TASP1: variants seen among roughly 807,000 people sequenced by gnomAD.
TASP1 encodes threonine aspartase 1.
TASP1 carries 16 observed loss-of-function variants against 56.6 expected under a neutral mutation model. The observed-to-expected ratio is 0.28, with a 90% CI of 0.19 to 0.43. TASP1 has a LOEUF of 0.43. TASP1 is among the 20% of genes least tolerant of loss of function. The pLI is 1.00. For missense variants in TASP1, 393 were observed against 511.6 expected, an observed-to-expected ratio of 0.77 and a Z score of 2.24; for synonymous variants, 179 against 184.2, an observed-to-expected ratio of 0.97 and a Z score of 0.23.
chr20:13,477,095 G>T (rs75792212), intron 11 of TASP1, among the ~76,000 whole-genome samples: 8,957 of 151,862 alleles, frequency 0.059, 373 homozygotes, highest in African/African-American at 0.12. Context: ...GTAATTACAG[G>T]GTACTTTTGT....
At chr20:13,597,267 G>A (rs758493856) in intron 4 of TASP1, among the ~76,000 whole-genome samples, 1 of 152,096 alleles carries the variant, frequency 6.6e-6, no homozygotes, top group Admixed American at 6.6e-5. Flanking sequence ...GTTGAACATC[G>A]ATGCAAAAAT....
chr20:13,174,156 C>T, the TASP1 span, among the ~76,000 whole-genome samples: 181 of 152,232 alleles, frequency 1.2e-3, no homozygotes, highest in African/African-American at 4.1e-3. Context: ...ATGGTAGGTT[C>T]TCACCTTGTA....
At chr20:13,257,276 A>G in the TASP1 span, among the ~76,000 whole-genome samples, 1 of 152,286 alleles carries the variant, frequency 6.6e-6, no homozygotes, top group East Asian at 1.9e-4. Flanking sequence ...GCATTTTGGG[A>G]GACCAAAGTG....
At chr20:13,149,046 C>T in the TASP1 span, among the ~76,000 whole-genome samples, 1 of 152,206 alleles carries the variant, frequency 6.6e-6, no homozygotes, top group Admixed American at 6.5e-5. Flanking sequence ...GATTCCCATT[C>T]CACTTAACTC....
chr20:13,373,509 C>T, the TASP1 span, among the ~76,000 whole-genome samples: 3 of 149,568 alleles, frequency 2.0e-5, no homozygotes, highest in East Asian at 5.9e-4. Flanking sequence ...TTTTGAAAGA[C>T]AGTCTTTTAA....
the TASP1 span, chr20:13,298,866 G>A: frequency 1.2e-3 from 1,792 of 1,478,672 alleles, 20 homozygotes; most frequent in African/African-American, 0.021. Flanking sequence ...GCAGCCTGGT[G>A]TCACATGCTC....
At chr20:13,318,347 G>A in the TASP1 span, among the ~76,000 whole-genome samples, 13 of 152,148 alleles carry the variant, frequency 8.5e-5, no homozygotes, top group Non-Finnish European at 1.9e-4. Context: ...AGGATGTGGA[G>A]CAACAGGAAT....
chr20:13,478,607 C>T (rs865997579), intron 11 of TASP1, among the ~76,000 whole-genome samples: 10 of 152,166 alleles, frequency 6.6e-5, no homozygotes, highest in Middle Eastern at 3.4e-3. Context: ...TGAGAAATTA[C>T]GTAATGGGTA....
chr20:13,117,649 C>T, the TASP1 span: 3 of 1,613,966 alleles, frequency 1.9e-6, no homozygotes, highest in East Asian at 4.5e-5. Context: ...GGACTAGACC[C>T]TCATGAAGTT....
the TASP1 span, among the ~76,000 whole-genome samples, chr20:13,157,351 C>T: frequency 9.9e-4 from 150 of 151,906 alleles, no homozygotes; most frequent in Middle Eastern, 3.4e-3. Context: ...GCAGGATAAT[C>T]GCTGGAACCC....
the TASP1 span, among the ~76,000 whole-genome samples, chr20:13,295,494 C>A: frequency 6.6e-6 from 1 of 152,200 alleles, no homozygotes; most frequent in Non-Finnish European, 1.5e-5. Context: ...CCTTAGTTTG[C>A]ACAATGAATG....
intron 1 of TASP1, among the ~76,000 whole-genome samples, chr20:13,635,859 T>C (rs967660096): frequency 6.6e-6 from 1 of 152,242 alleles, no homozygotes; most frequent in Non-Finnish European, 1.5e-5. Context: ...GGGACTTTCA[T>C]GGCACTAATT....
the TASP1 span, among the ~76,000 whole-genome samples, chr20:13,186,988 A>G: frequency 6.6e-6 from 1 of 152,216 alleles, no homozygotes; most frequent in South Asian, 2.1e-4. Flanking sequence ...TGTAAAAAGT[A>G]ACATGCAAGA....
intron 11 of TASP1, among the ~76,000 whole-genome samples, chr20:13,451,420 CTGT>C (rs1044074865): frequency 1.3e-5 from 2 of 152,100 alleles, no homozygotes; most frequent in East Asian, 1.9e-4. Flanking sequence ...CCTTCAAAAT[CTGT>C]TGTTTAGTGT....
the TASP1 span, among the ~76,000 whole-genome samples, chr20:13,336,079 G>GA: frequency 7.9e-5 from 12 of 152,028 alleles, no homozygotes; most frequent in African/African-American, 2.7e-4. Flanking sequence ...TTCCAGGAAG[G>GA]AAAAAAACAC....
chr20:13,268,185 T>G, the TASP1 span, among the ~76,000 whole-genome samples: 1 of 142,500 alleles, frequency 7.0e-6, no homozygotes. Context: ...TCTCCTCTTC[T>G]CTTCACTTCG....
chr20:13,474,030 C>T (rs2044625885), intron 11 of TASP1, among the ~76,000 whole-genome samples: 1 of 152,116 alleles, frequency 6.6e-6, no homozygotes, highest in African/African-American at 2.4e-5. Context: ...GAGCTATGAT[C>T]GTGCTACTGC....
the TASP1 span, among the ~76,000 whole-genome samples, chr20:13,310,135 C>T: frequency 6.6e-6 from 1 of 152,070 alleles, no homozygotes; most frequent in African/African-American, 2.4e-5. Flanking sequence ...ATAGCCAAAG[C>T]AATCTTGAGC....
At chr20:13,479,912 G>C (rs2043078936) in intron 11 of TASP1, among the ~76,000 whole-genome samples, 1 of 152,132 alleles carries the variant, frequency 6.6e-6, no homozygotes, top group Non-Finnish European at 1.5e-5. Flanking sequence ...TTTTACATAT[G>C]AGGAAATTAA....
Sources: gnomAD v4.1 joint callset for allele counts (sites outside exome capture counted in the v4.1 genomes callset) on GRCh38, gnomAD v4.1.1 for gene constraint, MANE v1.5 for transcripts, NCBI Gene and HGNC (gene_info 2026-07-23, HGNC 2026-07-21) for gene names.